The following DOCK8 variants were observed in gnomAD, a reference collection of about 807,000 sequenced individuals.
The protein encoded by DOCK8 is dedicator of cytokinesis 8.
A neutral mutation model predicts 245.6 loss-of-function variants in DOCK8; 141 were observed. The observed-to-expected ratio is 0.57, with a 90% CI of 0.50 to 0.66. The LOEUF is 0.66. Among genes scored for constraint, DOCK8 ranks in the 30% least tolerant of loss-of-function variants. The probability of loss-of-function intolerance (pLI) is 0.00; values close to 1 mark genes in which losing one functional copy is unlikely to be tolerated. For missense variants in DOCK8, 2,965 were observed against 2,603.4 expected (o/e 1.14, Z -3.02); for synonymous variants, 1,168 against 970.2 (o/e 1.20, Z -3.79).
intron 40 of DOCK8, among the ~76,000 whole-genome samples, chr9:441,046 T>C (rs535394471): frequency 1.1e-4 from 17 of 152,210 alleles, no homozygotes; most frequent in South Asian, 2.1e-4. Context: ...TATTTTTTTT[T>C]CCCCCGAAAG....
intron 14 of DOCK8, among the ~76,000 whole-genome samples, chr9:352,634 T>G (rs940587265): frequency 6.6e-6 from 1 of 151,534 alleles, no homozygotes; most frequent in Non-Finnish European, 1.5e-5. Flanking sequence ...TCCCAGCTAC[T>G]TGGGAGGCTG....
At chr9:285,217 G>C (rs751625968) in intron 2 of DOCK8, among the ~76,000 whole-genome samples, 79 of 152,126 alleles carry the variant, frequency 5.2e-4, no homozygotes, top group Non-Finnish European at 9.1e-4. Context: ...GTGGGGAGGG[G>C]ACGAGGCCTG....
At chr9:295,179 G>C (rs66532444) in intron 4 of DOCK8, among the ~76,000 whole-genome samples, 21,817 of 151,526 alleles carry the variant, frequency 0.14, 2,003 homozygotes, top group African/African-American at 0.26. Context: ...AAAAGAAGAA[G>C]AACCCAGACA....
At chr9:312,317 C>G in intron 6 of DOCK8, 151 bp downstream of exon 6, 1 of 869,178 alleles carries the variant, frequency 1.2e-6, no homozygotes, top group South Asian at 1.4e-5. Context: ...CTCAGGCAAG[C>G]CTGTGTGTCA....
At chr9:212,842 TTA>T (rs1413194943), upstream of DOCK8, 1 of 152,226 alleles carries the variant, frequency 6.6e-6, no homozygotes, top group Non-Finnish European at 1.5e-5. Flanking sequence ...TACATTTTAT[TTA>T]TGTTTGTGTG....
At chr9:416,587 A>G (rs2056022963) in intron 29 of DOCK8, among the ~76,000 whole-genome samples, 3 of 152,226 alleles carry the variant, frequency 2.0e-5, no homozygotes, top group Admixed American at 2.0e-4. Flanking sequence ...GTTACACAGT[A>G]CATCTATTAA....
At chr9:344,622 C>CAA (rs1384206617) in intron 14 of DOCK8, among the ~76,000 whole-genome samples, 1 of 152,132 alleles carries the variant, frequency 6.6e-6, no homozygotes, top group South Asian at 2.1e-4. Flanking sequence ...CCCCATATCT[C>CAA]AAAAAACCTG....
At chr9:351,257 G>A (rs1036675606) in intron 14 of DOCK8, among the ~76,000 whole-genome samples, 1 of 152,156 alleles carries the variant, frequency 6.6e-6, no homozygotes, top group Non-Finnish European at 1.5e-5. Context: ...TCTCATCATC[G>A]GGGACTGGAT....
At position 371,508 on chromosome 9, in the gene DOCK8, A is replaced by G. The variant is rs1160784497; in HGVS notation, c.1949A>G (p.Tyr650Cys). 3.1e-6 allele frequency: 5 copies of G among 1,614,186 alleles called. No homozygotes were observed. Among genetic ancestry groups the G allele is most frequent in the Admixed American group, 3.3e-5 (2 of 60,020 alleles). The change falls in exon 17 of 48, where the codon TAC becomes TGC. Residue 650 changes from tyrosine to cysteine, a missense_variant. This residue lies in a region of DOCK8 where 2,825 missense variants were observed against 2,453.5 expected (regional missense o/e 1.15). Coordinates refer to ENST00000432829, the MANE Select transcript of DOCK8 (RefSeq NM_203447.4). ...TVNHHLLFTF[Y>C]HISCQQKQGA... is the part of the protein sequence containing the mutation. Reference sequence around the variant, plus strand: ...AATCACCACCTCCTGTTCACCTTCTACCATATCAGCTGTCAGCAGAAGCAA... The same window carrying G: ...AATCACCACCTCCTGTTCACCTTCTGCCATATCAGCTGTCAGCAGAAGCAA...
At chr9:449,685 C>T in intron 44 of DOCK8, 99 bp from the exon 45 acceptor site, 1 of 1,486,064 alleles carries the variant, frequency 6.7e-7, no homozygotes, top group East Asian at 2.3e-5. Flanking sequence ...TCCCTAGCTG[C>T]CTCTTCAAAT....
At position 360,321 on chromosome 9, in the gene DOCK8, T is replaced by C. The variant is rs961076686; in HGVS notation, c.1680-7697T>C. On this transcript the variant is annotated intron_variant, in intron 14 of 47. Transcript: ENST00000432829. ...ACAGAGCAAGACTCCATCTCAAAAT[T>C]TAAAAAAAAAAAAAAAGAATAAAAT... 2.8e-5 allele frequency among the ~76,000 whole-genome samples: 4 copies of C among 142,396 alleles called. No homozygotes were observed. The Admixed American group carries it at 2.8e-4, about 10-fold the overall frequency. 93.4% of individuals were successfully genotyped at this position (142,396 alleles called of 152,430 possible).
At chr9:289,440 C>A in intron 3 of DOCK8, 70 bp from the exon 4 acceptor site, 6 of 1,226,180 alleles carry the variant, frequency 4.9e-6, no homozygotes, top group Non-Finnish European at 7.2e-6. Context: ...ATGTTCCTTG[C>A]TCATGATTAG....
chr9:460,774 A>G (rs1456281998), intron 46 of DOCK8, among the ~76,000 whole-genome samples: 2 of 152,242 alleles, frequency 1.3e-5, no homozygotes, highest in African/African-American at 4.8e-5. Flanking sequence ...CTTCCTTGCC[A>G]CATGCTATCC....
rs768269701 is a variant in DOCK8, at chr9:348,541, C to T, written c.1679+8220C>T. Among the ~76,000 whole-genome samples the T allele has an allele frequency of 2.6e-5, 4 of 152,260 alleles. No individual in the cohort carries two copies. The South Asian group carries it at 8.3e-4, about 32-fold the overall frequency. On this transcript the variant is annotated intron_variant, in intron 14 of 47. Coordinates refer to ENST00000432829, the MANE Select transcript of DOCK8 (RefSeq NM_203447.4). ...ATTCAGCAGGAAGCTTCATGAGGCA[C>T]CCTGTTTCTACATGAGTTGCCCTGG...
At position 451,973 on chromosome 9, in the gene DOCK8, ATATATTTTTTTTTT is replaced by A. The variant is rs763837715; in HGVS notation, c.5962-36_5962-23del. On this transcript the variant is annotated intron_variant, in intron 45 of 47. Transcript: ENST00000432829. ...TGTGTGTGTATATATATATATATAT[ATATATTTTTTTTTT>A]TTTTTTTTTTTTTTTCCCACCAGGG... is the stretch of plus-strand genomic sequence containing the variant. 0.013 allele frequency: 4,892 copies of A among 368,628 alleles called. 31 individuals carry two copies. The highest frequency in any genetic ancestry group is 0.035 in the African/African-American group (958 of 27,528). 22.8% of individuals were successfully genotyped at this position (368,628 alleles called of 1,614,324 possible). A position where few individuals can be genotyped will look rare whatever the true frequency, so the allele number is the denominator to read the frequency against.
intron 1 of DOCK8, among the ~76,000 whole-genome samples, chr9:248,677 T>C (rs1034982675): frequency 2.8e-4 from 43 of 152,274 alleles, no homozygotes; most frequent in African/African-American, 9.9e-4. Flanking sequence ...AATACTGGCA[T>C]GAGTGATGCC....
In DOCK8 at chr9:386,318, T is replaced by G. The variant is rs773545938; in HGVS notation, c.2779-13T>G. The G allele has an allele frequency of 6.8e-6, 11 of 1,611,402 alleles. No homozygotes were observed. Among genetic ancestry groups the G allele is most frequent in the Admixed American group, 1.7e-5 (1 of 59,970 alleles). Reference sequence around the variant, plus strand: ...GGTTGGTTGACTGTTAAGCCATGGTTTGTGTATTTTAGATCGCCGATCGCA... The same window carrying G: ...GGTTGGTTGACTGTTAAGCCATGGTGTGTGTATTTTAGATCGCCGATCGCA... On this transcript the variant is annotated splice_polypyrimidine_tract_variant and intron_variant, in intron 22 of 47. Transcript: ENST00000432829.
chr9:354,630 C>G (rs2052337693), intron 14 of DOCK8, among the ~76,000 whole-genome samples: 2 of 152,158 alleles, frequency 1.3e-5, no homozygotes, highest in South Asian at 4.1e-4. Context: ...CCTCAAGGGT[C>G]CCCTGGGGGT....
chr9:379,168 A>G (rs192754251), intron 20 of DOCK8, among the ~76,000 whole-genome samples: 16 of 152,322 alleles, frequency 1.1e-4, no homozygotes, highest in Admixed American at 3.3e-4. Context: ...ACAAGGTTAG[A>G]TAAGTATATT....
Sources: allele counts gnomAD v4.1 joint callset (sites outside exome capture counted in the v4.1 genomes callset), GRCh38; gene constraint gnomAD v4.1.1; regional missense constraint gnomAD v4.1.1; transcripts MANE v1.5; gene names NCBI Gene and HGNC (gene_info 2026-07-23, HGNC 2026-07-21).